The following FOXO3 variants were observed in gnomAD, a reference collection of about 807,000 sequenced individuals.
FOXO3 encodes forkhead box O3, also known as forkhead box protein O3.
In FOXO3, 4 loss-of-function variants were observed where a neutral mutation model predicts 41.9. The observed-to-expected ratio is 0.10, with a 90% CI of 0.05 to 0.22. FOXO3 has a LOEUF of 0.22. Ranked by LOEUF, FOXO3 falls within the 10% of genes least tolerant of loss-of-function variation. The pLI is 1.00. For missense variants in FOXO3, 534 were observed against 906.8 expected, an observed-to-expected ratio of 0.59 and a Z score of 5.28; for synonymous variants, 318 against 389.3, an observed-to-expected ratio of 0.82 and a Z score of 2.16.
At chr6:108,670,205 A>G (rs1779178479) in intron 2 of FOXO3, among the ~76,000 whole-genome samples, 2 of 151,988 alleles carry the variant, frequency 1.3e-5, no homozygotes, top group Admixed American at 6.6e-5. Context: ...CCTGACTTGG[A>G]GACACATATT....
At chr6:108,563,460 GAT>G (rs1429083986) in intron 1 of FOXO3, among the ~76,000 whole-genome samples, 2 of 152,220 alleles carry the variant, frequency 1.3e-5, no homozygotes, top group Admixed American at 6.5e-5. Flanking sequence ...GCACTAGTGT[GAT>G]ATGTTTTAAA....
intron 1 of FOXO3, among the ~76,000 whole-genome samples, chr6:108,612,406 G>A (rs571834752): frequency 5.5e-4 from 83 of 152,012 alleles, no homozygotes; most frequent in East Asian, 1.5e-3. Flanking sequence ...CTGGCCAGGC[G>A]CGGTGGCTCA....
At chr6:108,633,703 A>T (rs1562251745) in intron 1 of FOXO3, among the ~76,000 whole-genome samples, 1 of 152,166 alleles carries the variant, frequency 6.6e-6, no homozygotes, top group Non-Finnish European at 1.5e-5. Flanking sequence ...GTTTTCAGGC[A>T]TTAAGAGCAT....
chr6:108,625,852 T>C (rs1196417619), intron 1 of FOXO3, among the ~76,000 whole-genome samples: 1 of 152,134 alleles, frequency 6.6e-6, no homozygotes. Flanking sequence ...GTAGTATTAG[T>C]AGGGTGCCTC....
chr6:108,622,000 C>T (rs1582788114), intron 1 of FOXO3, among the ~76,000 whole-genome samples: 1 of 151,958 alleles, frequency 6.6e-6, no homozygotes, highest in African/African-American at 2.4e-5. Context: ...CCTAGTAATC[C>T]CAGTACTTTG....
chr6:108,585,309 C>T (rs1026322282), intron 1 of FOXO3, among the ~76,000 whole-genome samples: 14 of 152,228 alleles, frequency 9.2e-5, no homozygotes, highest in Admixed American at 2.0e-4. Context: ...TCCCAAAGTG[C>T]TGGGATTACA....
At chr6:108,619,793 T>C (rs779877912) in intron 1 of FOXO3, among the ~76,000 whole-genome samples, 15 of 152,208 alleles carry the variant, frequency 9.9e-5, no homozygotes, top group Non-Finnish European at 1.9e-4. Flanking sequence ...CATAAGCATA[T>C]GTTGTATTGG....
At chr6:108,606,635 G>GT (rs1777210279) in intron 1 of FOXO3, among the ~76,000 whole-genome samples, 1 of 152,224 alleles carries the variant, frequency 6.6e-6, no homozygotes, top group Non-Finnish European at 1.5e-5. Context: ...GAACAAGCAG[G>GT]TTCAGAAAGC....
At position 108,642,089 on chromosome 6, in the gene FOXO3, G is replaced by GTTTTT. The variant is rs5878987; in HGVS notation, c.622-21353_622-21349dup. On this transcript the variant is annotated intron_variant, in intron 1 of 2. Transcript: ENST00000406360. ...GTCATTGAAGTTTTTTGCTTTTGGT[G>GTTTTT]TTTTTTTTTTTTTTTTTGAGACAGG... 9.6e-5 allele frequency among the ~76,000 whole-genome samples: 13 copies of GTTTTT among 134,984 alleles called. No individual in the cohort carries two copies. The South Asian group carries it at 2.6e-3, about 27-fold the overall frequency. 88.6% of individuals were successfully genotyped at this position (134,984 alleles called of 152,430 possible).
rs1337066067 is a variant in FOXO3, at chr6:108,681,893, G to A, written c.*2101G>A. 1 of 152,060 alleles carries A rather than the reference G, an allele frequency of 6.6e-6. No homozygotes were observed. Among genetic ancestry groups the A allele is most frequent in the East Asian group, 1.9e-4 (1 of 5,188 alleles). The allele number at this position is 152,060 out of a possible 1,614,324, so 9.4% of individuals were successfully genotyped here. ...TGCTGTATGCAAGAACTTTCCAGTA[G>A]CAGTGAAGGAGGGTTGCCTCTCCAA... On this transcript the variant is annotated 3_prime_UTR_variant, in exon 3 of 3. Coordinates refer to ENST00000406360, the MANE Select transcript of FOXO3 (RefSeq NM_001455.4).
At chr6:108,588,907 G>T (rs1776659429) in intron 1 of FOXO3, among the ~76,000 whole-genome samples, 1 of 152,204 alleles carries the variant, frequency 6.6e-6, no homozygotes, top group Non-Finnish European at 1.5e-5. Flanking sequence ...ATATGGAAAG[G>T]CTTGAAGGAA....
chr6:108,563,070 C>G (rs1775859878), intron 1 of FOXO3, among the ~76,000 whole-genome samples: 1 of 152,102 alleles, frequency 6.6e-6, no homozygotes, highest in South Asian at 2.1e-4. Context: ...TTGGGGAGCC[C>G]TCTGTCTTCC....
chr6:108,676,589 T>G (rs1770600742), intron 2 of FOXO3, among the ~76,000 whole-genome samples: 1 of 152,190 alleles, frequency 6.6e-6, no homozygotes, highest in Non-Finnish European at 1.5e-5. Context: ...CACATACACA[T>G]AAATCTCACG....
intron 1 of FOXO3, among the ~76,000 whole-genome samples, chr6:108,580,252 GA>G (rs1776376043): frequency 8.3e-6 from 1 of 119,794 alleles, no homozygotes; most frequent in Non-Finnish European, 1.6e-5. Context: ...GCAGTGGTGT[GA>G]TCTCGGCTCA....
At chr6:108,619,276 T>C (rs550407173) in intron 1 of FOXO3, among the ~76,000 whole-genome samples, 16 of 152,108 alleles carry the variant, frequency 1.1e-4, no homozygotes, top group African/African-American at 3.8e-4. Context: ...ATTCTTTACT[T>C]TCTAACTTAG....
chr6:108,633,253 A>G (rs1778024512), intron 1 of FOXO3, among the ~76,000 whole-genome samples: 1 of 152,160 alleles, frequency 6.6e-6, no homozygotes, highest in South Asian at 2.1e-4. Context: ...TCACAGTGAA[A>G]AATCCTTAGC....
At chr6:108,678,162 T>C (rs1490325307) in intron 2 of FOXO3, among the ~76,000 whole-genome samples, 1 of 152,190 alleles carries the variant, frequency 6.6e-6, no homozygotes, top group African/African-American at 2.4e-5. Context: ...TGCCAGCAAG[T>C]GCAGAGTCAC....
At chr6:108,600,802 G>C (rs906545192) in intron 1 of FOXO3, among the ~76,000 whole-genome samples, 1 of 152,076 alleles carries the variant, frequency 6.6e-6, no homozygotes, top group African/African-American at 2.4e-5. Flanking sequence ...ATACTTTTAT[G>C]TCATTAAATA....
chr6:108,678,890 T>TTTTTTTTTTTGTTC (rs368405598), intron 2 of FOXO3, among the ~76,000 whole-genome samples: 1 of 115,334 alleles, frequency 8.7e-6, no homozygotes, highest in Non-Finnish European at 1.8e-5. Flanking sequence ...TTTTTTTTTT[T>TTTTTTTTTTTGTTC]TGAGACGGAG....
Sources: gnomAD v4.1 joint callset for allele counts (sites outside exome capture counted in the v4.1 genomes callset) on GRCh38, gnomAD v4.1.1 for gene constraint, MANE v1.5 for transcripts, NCBI Gene and HGNC (gene_info 2026-07-23, HGNC 2026-07-21) for gene names.